TSEN34: variants seen among roughly 807,000 people sequenced by gnomAD.
TSEN34 encodes tRNA-splicing endonuclease subunit Sen34.
Under a neutral mutation model 30.2 loss-of-function variants are expected in TSEN34, and 25 were observed. The ratio of observed to expected loss-of-function variants is 0.83; its 90% CI spans 0.60 to 1.16. The LOEUF is 1.16. Ranked by LOEUF, TSEN34 falls within the 50% of genes most tolerant of loss-of-function variation. The probability of loss-of-function intolerance (pLI) is 0.00; values close to 1 mark genes in which losing one functional copy is unlikely to be tolerated. For synonymous variants in TSEN34, 209 were observed against 177.4 expected (o/e 1.18, Z -1.41); for missense variants, 475 against 411.9 (o/e 1.15, Z -1.33).
rs367814657 is a variant in TSEN34, at chr19:54,193,344, A to G, written c.915A>G (p.Gln305=). The G allele has an allele frequency of 4.6e-5, 74 of 1,614,034 alleles. No individual in the cohort carries two copies. The highest frequency in any genetic ancestry group is 2.3e-4 in the Admixed American group (14 of 59,998). The change falls in exon 4 of 4, where the codon CAA becomes CAG. Residue 305 remains glutamine, a synonymous_variant. Coordinates refer to ENST00000396388, the MANE Select transcript of TSEN34 (RefSeq NM_001077446.4). ...GTAAGGTGGTCTACACCTCCCTGCA[A>G]TGGGCCAGCCTGCAGTGAACTCCAG... ...PDGKVVYTSL[Q]WASLQ
At chr19:54,193,052 A>G (rs891083956) in intron 3 of TSEN34, 123 bp from the exon 4 acceptor site, 1 of 1,417,448 alleles carries the variant, frequency 7.1e-7, no homozygotes, top group East Asian at 2.3e-5. Flanking sequence ...GTCCAAGAGC[A>G]TCTGTTTTAG....
upstream of TSEN34, chr19:54,191,255 G>C: frequency 1.3e-6 from 2 of 1,523,462 alleles, no homozygotes; most frequent in South Asian, 2.5e-5. Context: ...CGCCCCCTGA[G>C]GCCTAGGGGC....
upstream of TSEN34, chr19:54,190,756 C>G (rs946219809): frequency 1.7e-6 from 2 of 1,175,360 alleles, no homozygotes; most frequent in Admixed American, 8.7e-5. Context: ...GCCGAACTTC[C>G]TGTGCTCGGG....
chr19:54,193,822 C>G lies in TSEN34; in HGVS notation c.*460C>G. 1.6e-6 allele frequency: 1 copy of G among 622,588 alleles called. No homozygotes were observed. The highest frequency in any genetic ancestry group is 2.7e-5 in the East Asian group (1 of 36,614). 38.6% of individuals were successfully genotyped at this position (622,588 alleles called of 1,614,324 possible). A position where few individuals can be genotyped will look rare whatever the true frequency, so the allele number is the denominator to read the frequency against. On this transcript the variant is annotated 3_prime_UTR_variant, in exon 4 of 4. Coordinates refer to ENST00000396388, the MANE Select transcript of TSEN34 (RefSeq NM_001077446.4). ...CCTTTCAAAATTGGTTTTTCTGACTCCTAAATCTGCACTCTTTCTACCTCA... is the reference window on the plus strand; with the variant it reads ...CCTTTCAAAATTGGTTTTTCTGACTGCTAAATCTGCACTCTTTCTACCTCA...
Position 54,192,151 on chromosome 19 carries a change from G to T in TSEN34, c.523G>T (p.Val175Leu). The T allele has an allele frequency of 6.2e-7, 1 of 1,614,190 alleles. No homozygotes were observed. Among genetic ancestry groups the T allele is most frequent in the South Asian group, 1.1e-5 (1 of 91,082 alleles). The change falls in exon 3 of 4, where the codon GTA becomes TTA. Residue 175 changes from valine (V) to leucine (L), a missense_variant. Transcript: ENST00000396388. Reference protein sequence around the residue: ...SSSQAGPSNGVAPLPRSALLV... With the variant: ...SSSQAGPSNGLAPLPRSALLV... Reference sequence around the variant, plus strand: ...TTCCCAAGCAGGACCCTCAAATGGGGTAGCCCCCTTGCCCAGATCTGCTCT... The same window carrying T: ...TTCCCAAGCAGGACCCTCAAATGGGTTAGCCCCCTTGCCCAGATCTGCTCT...
upstream of TSEN34, chr19:54,190,024 G>A (rs913656241): frequency 3.8e-6 from 2 of 528,088 alleles, no homozygotes; most frequent in East Asian, 3.5e-5. Context: ...AGACACCCAT[G>A]AGTATTTACA....
At chr19:54,190,421 A>C, upstream of TSEN34, 1 of 1,455,078 alleles carries the variant, frequency 6.9e-7, no homozygotes, top group Non-Finnish European at 9.1e-7. Flanking sequence ...GAAGGGAGGC[A>C]AGGAGGCGGA....
chr19:54,190,546 G>C (rs1038998501), upstream of TSEN34: 1 of 1,255,462 alleles, frequency 8.0e-7, no homozygotes, highest in Non-Finnish European at 1.0e-6. Flanking sequence ...CCCCAACTGG[G>C]GTGCGCTGGC....
At position 54,191,881 on chromosome 19, in the gene TSEN34, C is replaced by G. The variant is rs915840288; in HGVS notation, c.404C>G (p.Ser135Ter). The change falls in exon 2 of 4, where the codon TCA becomes TGA. Residue 135 changes from serine to a stop codon, truncating the protein, a stop_gained. Transcript: ENST00000396388. LOFTEE classifies it high-confidence loss of function. ...CTAGAACAGGCTTCAGGGGCCAGCT[C>G]AAGCCAGGAGGCCGGCTCGAGCCAG... ...QKLEQASGASSSQEAGSSQAA... is the reference protein window; with the variant it reads ...QKLEQASGAS 6.2e-7 allele frequency: 1 copy of G among 1,614,104 alleles called. No individual in the cohort carries two copies. The highest frequency in any genetic ancestry group is 8.5e-7 in the Non-Finnish European group (1 of 1,179,998).
At chr19:54,190,442 C>G, upstream of TSEN34, 1 of 1,420,828 alleles carries the variant, frequency 7.0e-7, no homozygotes, top group Non-Finnish European at 9.2e-7. Flanking sequence ...CTGAGCGCTC[C>G]CAATTGGGGT....
chr19:54,191,225 A>G (rs1321013834), upstream of TSEN34: 9 of 1,427,136 alleles, frequency 6.3e-6, no homozygotes, highest in East Asian at 5.5e-5. Context: ...CAGGTGGTGA[A>G]CGGCGGCTGA....
chr19:54,191,338 G>T lies in TSEN34; in HGVS notation c.-27G>T. 1 of 1,548,924 alleles carries T rather than the reference G, an allele frequency of 6.5e-7. No homozygotes were observed. The highest frequency in any genetic ancestry group is 8.7e-7 in the Non-Finnish European group (1 of 1,146,666). ...GCGGCGCGCAGCTGTTTCGGTAACT[G>T]CTTTGCCTCCCGGCTCCCGCAGGAG... On this transcript the variant is annotated 5_prime_UTR_variant, in exon 1 of 4. Coordinates refer to ENST00000396388, the MANE Select transcript of TSEN34 (RefSeq NM_001077446.4).
At position 54,192,372 on chromosome 19, in the gene TSEN34, T is replaced by C; in HGVS notation, c.744T>C (p.Pro248=). The part of the protein sequence containing the change: ...GKFGGDFLVY[P]GDPLRFHAHY... ...TCGGAGGTGACTTCCTGGTCTATCCTGGTGAGTATGGGTTGGGGCCTCTGG... is the reference window on the plus strand; with the variant it reads ...TCGGAGGTGACTTCCTGGTCTATCCCGGTGAGTATGGGTTGGGGCCTCTGG... The change falls in exon 3 of 4, where the codon CCT becomes CCC. Residue 248 remains proline, a splice_region_variant and synonymous_variant. Coordinates refer to ENST00000396388, the MANE Select transcript of TSEN34 (RefSeq NM_001077446.4). The C allele has an allele frequency of 1.2e-6, 2 of 1,614,030 alleles. No individual in the cohort carries two copies. Among genetic ancestry groups the C allele is most frequent in the Non-Finnish European group, 1.7e-6 (2 of 1,180,030 alleles).
chr19:54,190,021 C>A (rs2076602430), upstream of TSEN34: 14 of 525,444 alleles, frequency 2.7e-5, 1 homozygote, highest in South Asian at 3.0e-4. Context: ...GCCAGACACC[C>A]ATGAGTATTT....
chr19:54,191,369 T>C lies in TSEN34; in HGVS notation c.5T>C (p.Leu2Pro), dbSNP rs778510316. Residue 2 changes from leucine (L) to proline (P), a missense_variant, in exon 1 of 4, where the codon CTG becomes CCG. Transcript: ENST00000396388. ...CCTCCCGGCTCCCGCAGGAGGATGCTGGTGGTGGAGGTGGCGAACGGCCGC... is the reference window on the plus strand; with the variant it reads ...CCTCCCGGCTCCCGCAGGAGGATGCCGGTGGTGGAGGTGGCGAACGGCCGC... M[L>P]VVEVANGRSL... The C allele has an allele frequency of 2.4e-5, 37 of 1,549,938 alleles. No homozygotes were observed. The Admixed American group carries it at 2.7e-4, about 11-fold the overall frequency.
Position 54,191,719 on chromosome 19 carries a change from A to C in TSEN34, c.244-2A>C. ...GAGGTTCCAGCGAAGTGTGCTTCTCAGGCCCTGACATCCTTCAAGCGCCAG... is the reference window on the plus strand; with the variant it reads ...GAGGTTCCAGCGAAGTGTGCTTCTCCGGCCCTGACATCCTTCAAGCGCCAG... On this transcript the variant is annotated splice_acceptor_variant, in intron 1 of 3. Transcript: ENST00000396388. LOFTEE classifies it high-confidence loss of function. 1 of 1,613,936 alleles carries C rather than the reference A, an allele frequency of 6.2e-7. No individual in the cohort carries two copies. The highest frequency in any genetic ancestry group is 1.1e-5 in the South Asian group (1 of 91,084).
upstream of TSEN34, chr19:54,191,143 C>G (rs550995071): frequency 1.5e-6 from 2 of 1,354,544 alleles, no homozygotes; most frequent in Admixed American, 3.7e-5. Context: ...GGCTTGTCTC[C>G]GGCGTCTCGT....
chr19:54,191,457 C>T lies in TSEN34; in HGVS notation c.93C>T (p.Arg31=), dbSNP rs1241365367. The change falls in exon 1 of 4, where the codon CGC becomes CGT. Residue 31 remains arginine (R), a synonymous_variant. Transcript: ENST00000396388. Reference sequence around the variant, plus strand: ...GGGAGCGCCTGGGTGTGGGGGGCCGCACGGTAGGCGCCCTGCCCCGCGGGC... The same window carrying T: ...GGGAGCGCCTGGGTGTGGGGGGCCGTACGGTAGGCGCCCTGCCCCGCGGGC... ...ALRERLGVGG[R]TVGALPRGPR... 1 of 1,547,870 alleles carries T rather than the reference C, an allele frequency of 6.5e-7. No homozygotes were observed. The highest frequency in any genetic ancestry group is 2.0e-5 in the Admixed American group (1 of 51,122).
intron 3 of TSEN34, 77 bp downstream of exon 3, chr19:54,192,450 T>C: frequency 6.3e-7 from 1 of 1,590,756 alleles, no homozygotes; most frequent in South Asian, 1.1e-5. Context: ...TCTTTTTTTT[T>C]TTTTTTGTCT....
Sources: allele counts gnomAD v4.1 joint callset, GRCh38; gene constraint gnomAD v4.1.1; transcripts MANE v1.5; gene names NCBI Gene and HGNC (gene_info 2026-07-23, HGNC 2026-07-21).